FAT1: variants seen among roughly 807,000 people sequenced by gnomAD.
The protein encoded by FAT1 is FAT atypical cadherin 1.
FAT1 carries 171 observed loss-of-function variants against 329.8 expected under a neutral mutation model. The observed-to-expected ratio is 0.52, with a 90% CI of 0.46 to 0.59. The LOEUF (loss-of-function observed/expected upper bound fraction) is 0.59. Ranked by LOEUF, FAT1 falls within the 20% of genes least tolerant of loss-of-function variation. The probability of loss-of-function intolerance (pLI) is 0.00; values close to 1 mark genes in which losing one functional copy is unlikely to be tolerated. For missense variants in FAT1, 5,672 were observed against 5,774.4 expected (o/e 0.98, Z 0.57); for synonymous variants, 2,233 against 2,228.6 (o/e 1.00, Z -0.06).
chr4:186,592,429 T>C (rs1738280158), intron 26 of FAT1, among the ~76,000 whole-genome samples: 1 of 151,862 alleles, frequency 6.6e-6, no homozygotes, highest in Non-Finnish European at 1.5e-5. Flanking sequence ...GAACTTTTTC[T>C]TGATTGCACC....
Position 186,603,387 on chromosome 4 carries a change from G to A in FAT1, c.11139C>T (p.His3713=), listed in dbSNP as rs746793923. 6.2e-7 allele frequency: 1 copy of A among 1,613,936 alleles called. No homozygotes were observed. Among genetic ancestry groups the A allele is most frequent in the Admixed American group, 1.7e-5 (1 of 60,016 alleles). Residue 3713 remains histidine, a synonymous_variant, in exon 19 of 27, where the codon CAC becomes CAT. Transcript: ENST00000441802. ...SAQISTKQLL[H]KINSSVTDIE... ...TGTCAGTCACGGAAGAGTTAATCTT[G>A]TGCAGAAGTTGTTTTGTTGAGATCT... is the stretch of plus-strand genomic sequence containing the variant.
At chr4:186,644,523 G>GT (rs144892726) in intron 3 of FAT1, among the ~76,000 whole-genome samples, 46,520 of 152,024 alleles carry the variant, frequency 0.31, 7,653 homozygotes, top group Middle Eastern at 0.38. Context: ...CCAATGAGCA[G>GT]TTACCAGTTC....
intron 14 of FAT1, among the ~76,000 whole-genome samples, chr4:186,610,590 TATATAA>T (rs1445028344): frequency 6.9e-6 from 1 of 144,194 alleles, no homozygotes; most frequent in Non-Finnish European, 1.5e-5. Context: ...AAATATAAAT[TATATAA>T]ATATAAATTT....
chr4:186,597,894 G>T, intron 23 of FAT1, 78 bp downstream of exon 23: 2 of 1,569,512 alleles, frequency 1.3e-6, no homozygotes, highest in Non-Finnish European at 1.7e-6. Flanking sequence ...TTAACGTGCA[G>T]ACTTTTTACA....
At chr4:186,599,856 A>C in intron 22 of FAT1, 42 bp downstream of exon 22, 3 of 1,431,776 alleles carry the variant, frequency 2.1e-6, no homozygotes, top group Non-Finnish European at 2.9e-6. Context: ...TTAAATGTAC[A>C]CACGTGCAGC....
Position 186,663,506 on chromosome 4 carries a change from T to G in FAT1, c.3373A>C (p.Ile1125Leu), listed in dbSNP as rs56007012. 2,142 of 1,613,982 alleles carry G rather than the reference T, an allele frequency of 1.3e-3. 1 individual carries two copies. Among genetic ancestry groups the G allele is most frequent in the Admixed American group, 2.9e-3 (172 of 60,018 alleles). The stretch of plus-strand genomic sequence containing the variant: ...TTGACATCCTCAACCTCTATGTAGA[T>G]CTCTATGAACGATGAAAGAGGCACG... ...GVVPLSSFIE[I>L]YIEVEDVNDN... The change falls in exon 3 of 27, where the codon ATC becomes CTC. Residue 1125 changes from isoleucine (I) to leucine (L), a missense_variant. Coordinates refer to ENST00000441802, the MANE Select transcript of FAT1 (RefSeq NM_005245.4).
At chr4:186,613,603 G>A (rs1739568439) in intron 12 of FAT1, among the ~76,000 whole-genome samples, 1 of 152,174 alleles carries the variant, frequency 6.6e-6, no homozygotes. Flanking sequence ...TTGCACAGGT[G>A]AAACAGCTAC....
chr4:186,597,108 G>A lies in FAT1; in HGVS notation c.12432C>T (p.Asn4144=), dbSNP rs1197286052. Reference sequence around the variant, plus strand: ...AGTTGCAGTGATAGGAGCCGTGCGTGTTCTCACAGAGGGCCCCGTGCAGGC... The same window carrying A: ...AGTTGCAGTGATAGGAGCCGTGCGTATTCTCACAGAGGGCCCCGTGCAGGC... The part of the protein sequence containing the change: ...NPCLHGALCE[N]THGSYHCNCS... Residue 4144 remains asparagine (N), a synonymous_variant, in exon 25 of 27, where the codon AAC becomes AAT. Coordinates refer to ENST00000441802, the MANE Select transcript of FAT1 (RefSeq NM_005245.4). The A allele has an allele frequency of 6.2e-7, 1 of 1,613,984 alleles. No individual in the cohort carries two copies. Among genetic ancestry groups the A allele is most frequent in the Non-Finnish European group, 8.5e-7 (1 of 1,179,886 alleles).
chr4:186,615,499 C>G (rs1458979324), intron 11 of FAT1, among the ~76,000 whole-genome samples: 1 of 152,162 alleles, frequency 6.6e-6, no homozygotes, highest in Non-Finnish European at 1.5e-5. Context: ...CCCTGTCACT[C>G]TCAGCCTTCT....
intron 14 of FAT1, among the ~76,000 whole-genome samples, chr4:186,610,857 A>C (rs567599248): frequency 7.4e-4 from 112 of 151,790 alleles, no homozygotes; most frequent in African/African-American, 2.5e-3. Context: ...AGGAGTCAGC[A>C]GTTCCTATGC....
In FAT1 at chr4:186,640,843, C is replaced by A. The variant is rs1042003208; in HGVS notation, c.3581-1060G>T. On this transcript the variant is annotated intron_variant, in intron 3 of 26. Coordinates refer to ENST00000441802, the MANE Select transcript of FAT1 (RefSeq NM_005245.4). ...CCCCTAAGCACTAAAATGTCGTCCC[C>A]AATCTGTGTTGATGGTGAACAGGTG... Among the ~76,000 whole-genome samples, 8 of 152,180 alleles carry A rather than the reference C, an allele frequency of 5.3e-5. No homozygotes were observed. In the South Asian group the frequency reaches 1.2e-3, roughly 24 times the overall value.
intron 2 of FAT1, among the ~76,000 whole-genome samples, chr4:186,668,155 G>C (rs899041777): frequency 3.3e-5 from 5 of 152,138 alleles, no homozygotes; most frequent in African/African-American, 1.2e-4. Context: ...CCTTAAGCGT[G>C]CCAAGTTATT....
rs1288518780 is a variant in FAT1, at chr4:186,617,793, G to T, written c.8793C>A (p.Asp2931Glu). Residue 2931 changes from aspartate to glutamate, a missense_variant, in exon 10 of 27, where the codon GAC becomes GAA. Coordinates refer to ENST00000441802, the MANE Select transcript of FAT1 (RefSeq NM_005245.4). ...EIYKGTVSED[D>E]PQGGVIAILS... ...AGATGGCAATCACCCCACCTTGGGGGTCATCCTCACTCACAGTCCCTTTAT... is the reference window on the plus strand; with the variant it reads ...AGATGGCAATCACCCCACCTTGGGGTTCATCCTCACTCACAGTCCCTTTAT... The T allele has an allele frequency of 1.2e-6, 2 of 1,613,866 alleles. No individual in the cohort carries two copies. The highest frequency in any genetic ancestry group is 1.1e-5 in the South Asian group (1 of 91,076).
intron 7 of FAT1, among the ~76,000 whole-genome samples, chr4:186,632,139 CTAGAA>C (rs575811303): frequency 1.2e-3 from 179 of 152,260 alleles, no homozygotes; most frequent in African/African-American, 4.2e-3. Context: ...AGAAAGAAAA[CTAGAA>C]TACACTTCCT....
At chr4:186,597,467 A>C (rs1738588412) in intron 24 of FAT1, among the ~76,000 whole-genome samples, 1 of 152,140 alleles carries the variant, frequency 6.6e-6, no homozygotes, top group Non-Finnish European at 1.5e-5. Context: ...CCATTGGCTA[A>C]ACATTAGTTT....
At chr4:186,711,238 G>A (rs1057035515) in intron 1 of FAT1, among the ~76,000 whole-genome samples, 1 of 152,122 alleles carries the variant, frequency 6.6e-6, no homozygotes, top group Non-Finnish European at 1.5e-5. Context: ...AAGACCTGAT[G>A]TGCTTAAAGC....
rs199867416 is a variant in FAT1 at position 186,620,507 on chromosome 4, G to T, written c.6079C>A (p.Arg2027Ser). The T allele has an allele frequency of 2.5e-6, 4 of 1,613,952 alleles. No individual in the cohort carries two copies. Among genetic ancestry groups the T allele is most frequent in the Non-Finnish European group, 3.4e-6 (4 of 1,179,900 alleles). Residue 2027 changes from arginine to serine, a missense_variant, in exon 10 of 27, where the codon CGC becomes AGC. By Grantham distance (110) the Arg-to-Ser change is moderately radical. Coordinates refer to ENST00000441802, the MANE Select transcript of FAT1 (RefSeq NM_005245.4). ...LNPDRRFKISRTSGVLSTTGT... is the reference protein window; with the variant it reads ...LNPDRRFKISSTSGVLSTTGT... ...GTGGTTGACAGAACTCCTGAAGTGC[G>T]GCTTATTTTAAATCTGCGATCTGGG...
intron 2 of FAT1, among the ~76,000 whole-genome samples, chr4:186,692,315 A>T (rs1560996350): frequency 3.4e-5 from 5 of 148,658 alleles, no homozygotes; most frequent in African/African-American, 1.3e-4. Context: ...TTATTTATTT[A>T]TTTATTTATT....
chr4:186,628,833 G>A, intron 7 of FAT1, 70 bp from the exon 8 acceptor site: 1 of 1,452,134 alleles, frequency 6.9e-7, no homozygotes, highest in African/African-American at 1.4e-5. Context: ...AAAGAACCAT[G>A]AACGAAAGTC....
Sources: allele counts gnomAD v4.1 joint callset (sites outside exome capture counted in the v4.1 genomes callset), GRCh38; gene constraint gnomAD v4.1.1; transcripts MANE v1.5; gene names NCBI Gene and HGNC (gene_info 2026-07-23, HGNC 2026-07-21).